Variants in GTPBP8 observed in about 807,000 individuals in gnomAD.
GTPBP8 encodes the protein GTP binding protein 8.
GTPBP8 carries 21 observed loss-of-function variants against 27.3 expected under a neutral mutation model. That is an observed-to-expected ratio of 0.77 (90% CI 0.55 to 1.11). GTPBP8 has a LOEUF of 1.11. Ranked by LOEUF, GTPBP8 falls within the 50% of genes least tolerant of loss-of-function variation. GTPBP8 has a pLI of 0.00. For synonymous variants in GTPBP8, 147 were observed against 135.3 expected (o/e 1.09, Z -0.60); for missense variants, 380 against 350.8 (o/e 1.08, Z -0.67).
At chr3:112,996,840 T>C in intron 3 of GTPBP8, 52 bp from the exon 4 acceptor site, 1 of 805,026 alleles carries the variant, frequency 1.2e-6, no homozygotes, top group East Asian at 2.5e-5. Context: ...AGGGGATAAA[T>C]GAATGGGTAT....
chr3:113,000,081 T>A (rs1354858227), intron 5 of GTPBP8, among the ~76,000 whole-genome samples: 12 of 152,156 alleles, frequency 7.9e-5, no homozygotes, highest in Non-Finnish European at 1.5e-5. Context: ...TCTTAAAGTG[T>A]CACTTAAAAC....
rs1340701092 is a variant in GTPBP8, at chr3:113,001,334, C to T, written c.*415C>T. ...AGGGGGCTGCTTTTCTGTTAAGCAT[C>T]GATAGGTAAGTTGATGGATAAAAGT... On this transcript the variant is annotated 3_prime_UTR_variant, in exon 6 of 6. Coordinates refer to ENST00000383678, the MANE Select transcript of GTPBP8 (RefSeq NM_014170.4). 6 of 152,848 alleles carry T rather than the reference C, an allele frequency of 3.9e-5. No individual in the cohort carries two copies. Among genetic ancestry groups the T allele is most frequent in the South Asian group, 2.1e-4 (1 of 4,850 alleles). The allele number at this position is 152,848 out of a possible 1,614,324, so 9.5% of individuals were successfully genotyped here.
Position 112,999,562 on chromosome 3 carries a change from A to G in GTPBP8, c.783A>G (p.Val261=), listed in dbSNP as rs1249685437. The stretch of plus-strand genomic sequence containing the variant: ...GATGTTTTCCTCAGTTGTTTCCTGT[A>G]AGGTAAGAGTTGAATTGTTTTGTTT... The part of the protein sequence containing the change: ...TQGCFPQLFP[V]SAVTFSGIHL... The change falls in exon 5 of 6, where the codon GTA becomes GTG. Residue 261 remains valine, a splice_region_variant and synonymous_variant. Transcript: ENST00000383678. The G allele has an allele frequency of 4.2e-6, 5 of 1,177,116 alleles. No individual in the cohort carries two copies. The highest frequency in any genetic ancestry group is 6.1e-6 in the Non-Finnish European group (5 of 815,624). The allele number at this position is 1,177,116 out of a possible 1,614,324, so 72.9% of individuals were successfully genotyped here. A position where few individuals can be genotyped will look rare whatever the true frequency, so the allele number is the denominator to read the frequency against.
intron 4 of GTPBP8, among the ~76,000 whole-genome samples, chr3:112,998,988 A>G (rs1933840348): frequency 6.6e-6 from 1 of 152,230 alleles, no homozygotes; most frequent in East Asian, 1.9e-4. Flanking sequence ...TACTTGGAAT[A>G]TAACTAGTAG....
At chr3:112,993,316 T>C (rs1933720398) in intron 2 of GTPBP8, among the ~76,000 whole-genome samples, 192 bp downstream of exon 2, 1 of 149,210 alleles carries the variant, frequency 6.7e-6, no homozygotes. Context: ...CTGGATTTAT[T>C]TTAGTAGTCT....
intron 4 of GTPBP8, among the ~76,000 whole-genome samples, chr3:112,997,931 G>A (rs563514669): frequency 6.6e-6 from 1 of 152,204 alleles, no homozygotes; most frequent in Admixed American, 6.5e-5. Context: ...TTAACTGAAA[G>A]GAAATATTAC....
Position 112,993,054 on chromosome 3 carries a change from G to A in GTPBP8, c.365G>A (p.Gly122Glu). 6.2e-7 allele frequency: 1 copy of A among 1,610,316 alleles called. No individual in the cohort carries two copies. Among genetic ancestry groups the A allele is most frequent in the Non-Finnish European group, 8.5e-7 (1 of 1,176,996 alleles). Residue 122 changes from glycine (G) to glutamate (E), a missense_variant, in exon 2 of 6, where the codon GGA becomes GAA. Transcript: ENST00000383678. ...EVCFIGRSNV[G>E]KSSLIKALFS... The stretch of plus-strand genomic sequence containing the variant: ...TGTTTTATAGGCAGAAGCAATGTTG[G>A]AAAATCATCTCTAATCAAGGCTTTA...
intron 1 of GTPBP8, 114 bp downstream of exon 1, chr3:112,991,449 C>A: frequency 1.1e-6 from 1 of 920,772 alleles, no homozygotes; most frequent in Non-Finnish European, 1.8e-6. Context: ...TTTATGTTGG[C>A]GCATATATTA....
At chr3:112,996,007 C>T (rs935613205) in intron 3 of GTPBP8, among the ~76,000 whole-genome samples, 1 of 151,980 alleles carries the variant, frequency 6.6e-6, no homozygotes, top group Non-Finnish European at 1.5e-5. Flanking sequence ...CTAAGAATTG[C>T]ACAATATATA....
chr3:112,992,950 A>G (rs917390927), intron 1 of GTPBP8, 76 bp from the exon 2 acceptor site: 5 of 729,944 alleles, frequency 6.8e-6, no homozygotes, highest in African/African-American at 5.4e-5. Flanking sequence ...CTGTGTTAGA[A>G]TTTGAAGTTT....
rs11543946 is a variant in GTPBP8, at chr3:112,995,233, C to T, written c.534C>T (p.Asp178=). Residue 178 remains aspartate (D), a synonymous_variant, in exon 3 of 6, where the codon GAC becomes GAT. Transcript: ENST00000383678. ...TTAGAGCACCTGAAGATTTTGTTGA[C>T]ATGGTAGAGACCTATCTAAAAGAAC... ...YGFRAPEDFV[D]MVETYLKERR... is the part of the protein sequence containing the mutation. The T allele has an allele frequency of 6.2e-7, 1 of 1,608,078 alleles. No individual in the cohort carries two copies. The highest frequency in any genetic ancestry group is 1.3e-5 in the African/African-American group (1 of 74,722).
In GTPBP8 at chr3:112,991,182, C is replaced by T. The variant is rs1340697522; in HGVS notation, c.183C>T (p.Tyr61=). 7.4e-6 allele frequency: 12 copies of T among 1,614,164 alleles called. No individual in the cohort carries two copies. The South Asian group carries it at 1.1e-4, about 15-fold the overall frequency. The change falls in exon 1 of 6, where the codon TAC becomes TAT. Residue 61 remains tyrosine, a synonymous_variant. Coordinates refer to ENST00000383678, the MANE Select transcript of GTPBP8 (RefSeq NM_014170.4). ...AAGTAGAGCGGTTCCTCGCCCCCTA[C>T]GGGAGGCAAGACCTTCACCTGCGTA... The part of the protein sequence containing the change: ...LQEVERFLAP[Y]GRQDLHLRIF...
At chr3:112,998,592 T>A (rs1933831342) in intron 4 of GTPBP8, among the ~76,000 whole-genome samples, 1 of 151,632 alleles carries the variant, frequency 6.6e-6, no homozygotes, top group Admixed American at 6.6e-5. Context: ...GGAATGAGGG[T>A]CATATGACCA....
intron 4 of GTPBP8, 143 bp from the exon 5 acceptor site, chr3:112,999,303 A>G (rs567380484): frequency 2.0e-6 from 1 of 490,476 alleles, no homozygotes; most frequent in East Asian, 3.2e-5. Context: ...ATGGGTCATT[A>G]TTTTTATTTT....
Position 112,991,012 on chromosome 3 carries a change from G to A in GTPBP8, c.13G>A (p.Gly5Arg), listed in dbSNP as rs747168489. Residue 5 changes from glycine to arginine, a missense_variant, in exon 1 of 6, where the codon GGG becomes AGG. Physicochemically the swap from Gly to Arg is moderately radical, Grantham distance 125. Transcript: ENST00000383678. ...CTGGGAAGGGAGAATGGCGGCGCCCGGGCTGCGGCTGGGAGCGGGAAGACT... is the reference window on the plus strand; with the variant it reads ...CTGGGAAGGGAGAATGGCGGCGCCCAGGCTGCGGCTGGGAGCGGGAAGACT... MAAP[G>R]LRLGAGRLFE... The A allele has an allele frequency of 2.5e-6, 4 of 1,593,700 alleles. No individual in the cohort carries two copies. The highest frequency in any genetic ancestry group is 2.2e-5 in the South Asian group (2 of 90,100).
At chr3:112,996,356 C>T (rs1022438154) in intron 3 of GTPBP8, among the ~76,000 whole-genome samples, 4 of 151,890 alleles carry the variant, frequency 2.6e-5, no homozygotes, top group African/African-American at 9.7e-5. Flanking sequence ...ATCCCAACTC[C>T]TCAGGAGACT....
intron 2 of GTPBP8, among the ~76,000 whole-genome samples, chr3:112,994,557 T>G (rs1284431110): frequency 6.6e-6 from 1 of 152,250 alleles, no homozygotes; most frequent in East Asian, 1.9e-4. Flanking sequence ...GTTTTGTAAT[T>G]ATCATGTTGT....
intron 4 of GTPBP8, among the ~76,000 whole-genome samples, 173 bp downstream of exon 4, chr3:112,997,164 G>A (rs932774129): frequency 2.6e-5 from 4 of 152,010 alleles, no homozygotes; most frequent in African/African-American, 9.7e-5. Flanking sequence ...AAGTTCTATG[G>A]CACTTTTATT....
intron 5 of GTPBP8, 27 bp downstream of exon 5, chr3:112,999,591 GT>G: frequency 1.1e-6 from 1 of 883,372 alleles, no homozygotes; most frequent in Non-Finnish European, 1.8e-6. Flanking sequence ...TTTGTTTTTT[GT>G]TTTTTATGAA....
Sources: allele counts gnomAD v4.1 joint callset (sites outside exome capture counted in the v4.1 genomes callset), GRCh38; gene constraint gnomAD v4.1.1; transcripts MANE v1.5; gene names NCBI Gene and HGNC (gene_info 2026-07-23, HGNC 2026-07-21).